The following PTCHD4 variants were observed in gnomAD, a reference collection of about 807,000 sequenced individuals.
PTCHD4 encodes patched domain containing 4.
In PTCHD4, 33 loss-of-function variants were observed where a neutral mutation model predicts 58.1. That is an observed-to-expected ratio of 0.57 (90% CI 0.43 to 0.76). The LOEUF (loss-of-function observed/expected upper bound fraction) is 0.76, where lower values mean the gene tolerates loss of function less well. Ranked by LOEUF, PTCHD4 falls within the 30% of genes least tolerant of loss-of-function variation. PTCHD4 has a pLI of 0.00. For missense variants in PTCHD4, 1,058 were observed against 1,027.1 expected (o/e 1.03, Z -0.41); for synonymous variants, 478 against 409.6 (o/e 1.17, Z -2.02).
chr6:47,918,576 T>C (rs1015295366), intron 4 of PTCHD4, among the ~76,000 whole-genome samples: 2 of 152,202 alleles, frequency 1.3e-5, no homozygotes, highest in Admixed American at 6.5e-5. Flanking sequence ...TGGCTAGCTA[T>C]AGGCATATTT....
At chr6:47,889,691 A>G (rs1012646449) in intron 4 of PTCHD4, among the ~76,000 whole-genome samples, 3 of 151,358 alleles carry the variant, frequency 2.0e-5, no homozygotes, top group Non-Finnish European at 2.9e-5. Context: ...TACACCTTAT[A>G]CTAAAATCAA....
chr6:47,881,752 T>C (rs1306849700), intron 4 of PTCHD4, among the ~76,000 whole-genome samples: 1 of 152,172 alleles, frequency 6.6e-6, no homozygotes, highest in East Asian at 1.9e-4. Flanking sequence ...GGCCAAACTT[T>C]TGGTAGTTTT....
intron 3 of PTCHD4, among the ~76,000 whole-genome samples, chr6:48,048,228 C>G (rs1460414627): frequency 2.0e-5 from 3 of 151,778 alleles, no homozygotes; most frequent in Admixed American, 6.6e-5. Flanking sequence ...ATAGATTATG[C>G]AATAAATAGC....
In PTCHD4 at chr6:48,045,778, C is replaced by CT. The variant is rs560197065; in HGVS notation, c.417+22451dup. Among the ~76,000 whole-genome samples, 222 of 141,064 alleles carry CT rather than the reference C, an allele frequency of 1.6e-3. 1 individual carries two copies. Among genetic ancestry groups the CT allele is most frequent in the South Asian group, 0.015 (66 of 4,458 alleles). 92.5% of individuals were successfully genotyped at this position (141,064 alleles called of 152,430 possible). A position where few individuals can be genotyped will look rare whatever the true frequency, so the allele number is the denominator to read the frequency against. On this transcript the variant is annotated intron_variant, in intron 3 of 4. Coordinates refer to ENST00000339488, the MANE Select transcript of PTCHD4 (RefSeq NM_001384253.1). ...GTCTGATTCCAGAGATTTTTTTTTT[C>CT]TTTTTTTTTTTTCCCACTCAGCTCT...
chr6:48,037,837 C>A (rs563411183), intron 3 of PTCHD4, among the ~76,000 whole-genome samples: 170 of 151,754 alleles, frequency 1.1e-3, no homozygotes, highest in African/African-American at 4.0e-3. Flanking sequence ...ATTTAAAAGA[C>A]CTTCACGAAT....
chr6:47,923,700 C>A (rs73739015), intron 4 of PTCHD4, among the ~76,000 whole-genome samples: 2,062 of 152,248 alleles, frequency 0.014, 51 homozygotes, highest in African/African-American at 0.046. Flanking sequence ...ACTATAAAAC[C>A]ACTGTAAATG....
intron 1 of PTCHD4, among the ~76,000 whole-genome samples, chr6:48,072,096 C>A (rs964131205): frequency 1.3e-5 from 2 of 152,086 alleles, no homozygotes; most frequent in African/African-American, 2.4e-5. Context: ...TTTTTACTAT[C>A]CTCTGTACTG....
intron 4 of PTCHD4, among the ~76,000 whole-genome samples, chr6:47,890,027 A>T (rs1173908393): frequency 2.7e-4 from 41 of 151,986 alleles, no homozygotes; most frequent in Non-Finnish European, 1.5e-5. Context: ...GATCCAGTGT[A>T]TGTGTGTATA....
At chr6:48,106,832 AG>A (rs1391269568) in intron 1 of PTCHD4, among the ~76,000 whole-genome samples, 1 of 151,840 alleles carries the variant, frequency 6.6e-6, no homozygotes, top group Non-Finnish European at 1.5e-5. Context: ...CCAAATGATG[AG>A]TTGAACTCCC....
intron 3 of PTCHD4, among the ~76,000 whole-genome samples, chr6:48,067,691 T>C (rs1346363415): frequency 1.3e-5 from 2 of 152,168 alleles, no homozygotes; most frequent in Admixed American, 6.5e-5. Context: ...AAGAAATACA[T>C]TGAGCCCCAT....
intron 3 of PTCHD4, among the ~76,000 whole-genome samples, chr6:48,015,216 G>A (rs1036177510): frequency 6.6e-6 from 1 of 151,992 alleles, no homozygotes; most frequent in African/African-American, 2.4e-5. Context: ...ATCATTAAGA[G>A]TAGATGACTT....
At position 47,859,499 on chromosome 6, in the gene PTCHD4, T is replaced by C. The variant is rs945801946; in HGVS notation, c.*18804A>G. 2.0e-5 allele frequency among the ~76,000 whole-genome samples: 3 copies of C among 152,020 alleles called. No homozygotes were observed. Among genetic ancestry groups the C allele is most frequent in the African/African-American group, 7.2e-5 (3 of 41,416 alleles). On this transcript the variant is annotated 3_prime_UTR_variant, in exon 5 of 5. Coordinates refer to ENST00000339488, the MANE Select transcript of PTCHD4 (RefSeq NM_001384253.1). ...CTAATATATTTGCAACTGAAACACT[T>C]GAAGCTTTCAAGGTCTACCTGAACT...
rs1763607338 is a variant in PTCHD4 at position 47,867,695 on chromosome 6, C to A, written c.*10608G>T. ...TTTTCTCCCTGACTGTTGAGCCCAT[C>A]CTCCATCTCTATCTATTAGAATCTT... On this transcript the variant is annotated 3_prime_UTR_variant, in exon 5 of 5. Coordinates refer to ENST00000339488, the MANE Select transcript of PTCHD4 (RefSeq NM_001384253.1). 6.6e-6 allele frequency among the ~76,000 whole-genome samples: 1 copy of A among 151,724 alleles called. No homozygotes were observed. Among genetic ancestry groups the A allele is most frequent in the Non-Finnish European group, 1.5e-5 (1 of 67,796 alleles).
At chr6:48,037,890 C>G (rs1763696746) in intron 3 of PTCHD4, among the ~76,000 whole-genome samples, 1 of 138,428 alleles carries the variant, frequency 7.2e-6, no homozygotes. Flanking sequence ...AAATGAGCCA[C>G]CAAATGCTAA....
At chr6:48,088,302 A>G (rs541981104) in intron 1 of PTCHD4, among the ~76,000 whole-genome samples, 1 of 152,308 alleles carries the variant, frequency 6.6e-6, no homozygotes, top group South Asian at 2.1e-4. Context: ...CATAATTTAG[A>G]TGCTCAACAA....
At chr6:47,992,767 TA>T (rs1048660963) in intron 4 of PTCHD4, among the ~76,000 whole-genome samples, 5 of 152,202 alleles carry the variant, frequency 3.3e-5, no homozygotes, top group African/African-American at 1.2e-4. Context: ...TGTTTTCCTA[TA>T]ATAAATATGC....
chr6:47,921,431 C>T (rs1561958349), intron 4 of PTCHD4, among the ~76,000 whole-genome samples: 1 of 152,122 alleles, frequency 6.6e-6, no homozygotes, highest in Non-Finnish European at 1.5e-5. Context: ...CCCAAATATC[C>T]ATTTTCTCCC....
Position 47,867,718 on chromosome 6 carries a change from C to A in PTCHD4, c.*10585G>T, listed in dbSNP as rs1763607812. Among the ~76,000 whole-genome samples, 1 of 151,728 alleles carries A rather than the reference C, an allele frequency of 6.6e-6. No individual in the cohort carries two copies. Among genetic ancestry groups the A allele is most frequent in the South Asian group, 2.1e-4 (1 of 4,826 alleles). On this transcript the variant is annotated 3_prime_UTR_variant, in exon 5 of 5. Coordinates refer to ENST00000339488, the MANE Select transcript of PTCHD4 (RefSeq NM_001384253.1). ...ATCCTCCATCTCTATCTATTAGAAT[C>A]TTACCCACACTTCAATGTGGATCAG... is the stretch of plus-strand genomic sequence containing the variant.
chr6:48,093,841 C>T (rs1390458173), intron 1 of PTCHD4, among the ~76,000 whole-genome samples: 1 of 152,116 alleles, frequency 6.6e-6, no homozygotes, highest in African/African-American at 2.4e-5. Context: ...TTTACATCTC[C>T]TTTGAGAAGG....
Sources: gnomAD v4.1 joint callset for allele counts (sites outside exome capture counted in the v4.1 genomes callset) on GRCh38, gnomAD v4.1.1 for gene constraint, MANE v1.5 for transcripts, NCBI Gene and HGNC (gene_info 2026-07-23, HGNC 2026-07-21) for gene names.